The following KLF12 variants were observed in gnomAD, a reference collection of about 807,000 sequenced individuals.
The protein encoded by KLF12 is KLF transcription factor 12.
KLF12 carries 9 observed loss-of-function variants against 37.8 expected under a neutral mutation model. The ratio of observed to expected loss-of-function variants is 0.24; its 90% CI spans 0.14 to 0.42. KLF12 has a LOEUF of 0.42. KLF12 is among the 10% of genes least tolerant of loss of function. The pLI is 1.00. For missense variants in KLF12, 411 were observed against 516.0 expected, an observed-to-expected ratio of 0.80 and a Z score of 1.97; for synonymous variants, 208 against 202.1, an observed-to-expected ratio of 1.03 and a Z score of -0.25.
chr13:73,936,878 A>C lies in KLF12; in HGVS notation c.123+7103T>G, dbSNP rs147166564. Among the ~76,000 whole-genome samples the C allele has an allele frequency of 6.9e-3, 1,057 of 152,290 alleles. 13 individuals carry two copies. The highest frequency in any genetic ancestry group is 0.024 in the African/African-American group (983 of 41,574). On this transcript the variant is annotated intron_variant, in intron 3 of 7. Transcript: ENST00000377669. ...GAGTTAATCCTTTGTGGTCAGAAGC[A>C]AAACTCCTCTAAAGGTTAAACAGGA...
the KLF12 span, among the ~76,000 whole-genome samples, chr13:74,206,072 G>T: frequency 6.6e-6 from 1 of 152,020 alleles, no homozygotes; most frequent in Non-Finnish European, 1.5e-5. Flanking sequence ...TTTTGGTTAT[G>T]ATCCATTTCA....
chr13:73,836,836 T>A (rs1884459876), intron 4 of KLF12, among the ~76,000 whole-genome samples: 1 of 152,176 alleles, frequency 6.6e-6, no homozygotes, highest in African/African-American at 2.4e-5. Context: ...ATTAGAATAC[T>A]TTACCAGTAA....
intron 7 of KLF12, among the ~76,000 whole-genome samples, chr13:73,712,338 C>CAAAAAAAAAAAAA (rs752694466): frequency 1.2e-4 from 5 of 42,058 alleles, no homozygotes; most frequent in African/African-American, 2.3e-4. Flanking sequence ...AACTCCATGT[C>CAAAAAAAAAAAAA]AAAAAAAAAA....
rs192441444 is a variant in KLF12, at chr13:73,865,047, A to G, written c.124-18674T>C. Among the ~76,000 whole-genome samples, 671 of 152,252 alleles carry G rather than the reference A, an allele frequency of 4.4e-3. 4 individuals carry two copies. The highest frequency in any genetic ancestry group is 0.012 in the South Asian group (57 of 4,824). ...TAATAAAAACAACAAATAAAAAATC[A>G]AGGCCCCTTCCACTAAACAAAAAAG... On this transcript the variant is annotated intron_variant, in intron 3 of 7. Coordinates refer to ENST00000377669, the MANE Select transcript of KLF12 (RefSeq NM_007249.5).
Position 74,050,152 on chromosome 13 carries a change from GAA to G in KLF12, c.-31-55101_-31-55100del, listed in dbSNP as rs541935210. On this transcript the variant is annotated intron_variant, in intron 1 of 7. Transcript: ENST00000377669. Reference sequence around the variant, plus strand: ...ACTTCTACAAGATTTCAGAGAGAAAGAAAAAAAAAGAGTGGGGAGAGAAAAGT... The same window carrying G: ...ACTTCTACAAGATTTCAGAGAGAAAGAAAAAAAGAGTGGGGAGAGAAAAGT... Among the ~76,000 whole-genome samples the G allele has an allele frequency of 1.4e-3, 205 of 150,088 alleles. 1 individual carries two copies. Among genetic ancestry groups the G allele is most frequent in the Non-Finnish European group, 2.7e-3 (182 of 67,404 alleles).
At chr13:73,718,739 C>A (rs1452194886) in intron 6 of KLF12, among the ~76,000 whole-genome samples, 2 of 152,040 alleles carry the variant, frequency 1.3e-5, no homozygotes, top group African/African-American at 4.8e-5. Flanking sequence ...CAAAAACATA[C>A]AAAAATTAGC....
intron 5 of KLF12, among the ~76,000 whole-genome samples, chr13:73,802,940 T>TACAAAAA (rs1360903918): frequency 3.3e-5 from 5 of 152,168 alleles, no homozygotes; most frequent in African/African-American, 4.8e-5. Flanking sequence ...TATGGACATT[T>TACAAAAA]TATCATTTTT....
intron 3 of KLF12, among the ~76,000 whole-genome samples, chr13:73,861,174 T>G (rs1885906464): frequency 6.6e-6 from 1 of 152,202 alleles, no homozygotes; most frequent in Non-Finnish European, 1.5e-5. Flanking sequence ...TTTCTGTCAA[T>G]CGGGGTGTAA....
chr13:74,056,598 T>A (rs1056053266), intron 1 of KLF12, among the ~76,000 whole-genome samples: 2 of 152,210 alleles, frequency 1.3e-5, no homozygotes, highest in African/African-American at 4.8e-5. Context: ...GCCATGCTTA[T>A]TCTACAAATA....
the KLF12 span, among the ~76,000 whole-genome samples, chr13:74,304,959 C>T: frequency 1.3e-5 from 2 of 152,094 alleles, no homozygotes; most frequent in Non-Finnish European, 2.9e-5. Flanking sequence ...TTTAAGATGG[C>T]TTTCTCAGAA....
the KLF12 span, among the ~76,000 whole-genome samples, chr13:74,281,177 A>T: frequency 4.0e-5 from 6 of 151,198 alleles, no homozygotes; most frequent in East Asian, 3.9e-4. Context: ...ATTTTTTTTT[A>T]AAAAGTATTA....
At chr13:74,222,155 C>T in the KLF12 span, among the ~76,000 whole-genome samples, 2 of 152,192 alleles carry the variant, frequency 1.3e-5, no homozygotes, top group South Asian at 4.1e-4. Flanking sequence ...GCCATGATCC[C>T]AATTCTTGTA....
At chr13:74,093,984 T>C (rs991876919) in intron 1 of KLF12, among the ~76,000 whole-genome samples, 1 of 149,850 alleles carries the variant, frequency 6.7e-6, no homozygotes, top group African/African-American at 2.4e-5. Flanking sequence ...AAAAATACAA[T>C]AGCTAGTTCA....
intron 6 of KLF12, among the ~76,000 whole-genome samples, chr13:73,740,179 T>C (rs929851506): frequency 3.3e-5 from 5 of 152,206 alleles, no homozygotes; most frequent in African/African-American, 1.2e-4. Flanking sequence ...GATTAGGTCA[T>C]AGGGGTGGAG....
chr13:73,994,856 T>C (rs532267874), intron 2 of KLF12, 134 bp downstream of exon 2: 18 of 625,880 alleles, frequency 2.9e-5, no homozygotes, highest in South Asian at 2.2e-4. Flanking sequence ...ATTTTACAGA[T>C]AGATATGCAC....
rs894770459 is a variant in KLF12 at position 73,701,840 on chromosome 13, TA to T, written c.1028-6170del. ...TTAGGCCACTTCCAGGTTTTGTATT[TA>T]AAAAAAAAGAATATGACCATTTTCA... On this transcript the variant is annotated intron_variant, in intron 7 of 7. Coordinates refer to ENST00000377669, the MANE Select transcript of KLF12 (RefSeq NM_007249.5). 7.9e-5 allele frequency among the ~76,000 whole-genome samples: 12 copies of T among 151,198 alleles called. 1 individual carries two copies. Among genetic ancestry groups the T allele is most frequent in the Non-Finnish European group, 1.5e-4 (10 of 67,762 alleles).
the KLF12 span, among the ~76,000 whole-genome samples, chr13:74,221,043 G>T: frequency 6.9e-6 from 1 of 145,046 alleles, no homozygotes; most frequent in Non-Finnish European, 1.5e-5. Context: ...TGGCTCTGTC[G>T]CCCCAGGCTG....
intron 5 of KLF12, among the ~76,000 whole-genome samples, chr13:73,768,734 A>C (rs919472523): frequency 2.6e-5 from 4 of 152,212 alleles, no homozygotes; most frequent in Non-Finnish European, 5.9e-5. Context: ...ATCTTAATTT[A>C]TCCTCATGTC....
intron 2 of KLF12, among the ~76,000 whole-genome samples, chr13:73,948,421 G>T (rs1890523659): frequency 1.3e-5 from 2 of 152,092 alleles, no homozygotes; most frequent in Non-Finnish European, 2.9e-5. Context: ...GTTTCACCTT[G>T]TTGGCTAGCC....
Sources: allele counts gnomAD v4.1 joint callset (sites outside exome capture counted in the v4.1 genomes callset), GRCh38; gene constraint gnomAD v4.1.1; transcripts MANE v1.5; gene names NCBI Gene and HGNC (gene_info 2026-07-23, HGNC 2026-07-21).